PCDH15: variants seen among roughly 807,000 people sequenced by gnomAD.
The protein encoded by PCDH15 is protocadherin related 15.
PCDH15 carries 129 observed loss-of-function variants against 178.5 expected under a neutral mutation model. That is an observed-to-expected ratio of 0.72 (90% CI 0.63 to 0.84). The LOEUF is 0.84. Among genes scored for constraint, PCDH15 ranks in the 40% least tolerant of loss-of-function variants. PCDH15 has a pLI of 0.00. For synonymous variants in PCDH15, 800 were observed against 732.0 expected (o/e 1.09, Z -1.50); for missense variants, 2,230 against 2,099.9 (o/e 1.06, Z -1.21).
chr10:55,236,845 T>C (rs1032087770), intron 1 of PCDH15, among the ~76,000 whole-genome samples: 1 of 151,900 alleles, frequency 6.6e-6, no homozygotes, highest in Non-Finnish European at 1.5e-5. Flanking sequence ...CACATAATTC[T>C]GATAAATAAT....
intron 1 of PCDH15, among the ~76,000 whole-genome samples, chr10:55,309,972 C>T (rs987818269): frequency 1.3e-5 from 2 of 152,002 alleles, no homozygotes; most frequent in Non-Finnish European, 2.9e-5. Context: ...TTTCCCTTTC[C>T]TATCTCAAGT....
At chr10:54,650,112 A>G (rs945899731) in intron 2 of PCDH15, among the ~76,000 whole-genome samples, 1 of 152,168 alleles carries the variant, frequency 6.6e-6, no homozygotes, top group Non-Finnish European at 1.5e-5. Flanking sequence ...ATTAATTTTG[A>G]TTGGGTGTCA....
chr10:54,380,705 C>T (rs868197780), intron 3 of PCDH15, among the ~76,000 whole-genome samples: 5 of 49,014 alleles, frequency 1.0e-4, no homozygotes, highest in Non-Finnish European at 1.4e-4. Flanking sequence ...ATATATGCTC[C>T]ATATATATAT....
chr10:54,234,149 T>TGTGC (rs1330014845), intron 9 of PCDH15, among the ~76,000 whole-genome samples: 7 of 151,264 alleles, frequency 4.6e-5, no homozygotes, highest in African/African-American at 1.7e-4. Flanking sequence ...TGTGTGTGTG[T>TGTGC]GTGTGTGTGT....
chr10:54,298,399 G>A (rs1029409988), intron 8 of PCDH15, among the ~76,000 whole-genome samples: 1 of 152,210 alleles, frequency 6.6e-6, no homozygotes, highest in Non-Finnish European at 1.5e-5. Flanking sequence ...CGAGATCAGA[G>A]AAAGACTGCA....
At chr10:54,973,497 AGGGCTTT>A (rs1838988645) in intron 2 of PCDH15, among the ~76,000 whole-genome samples, 1 of 152,194 alleles carries the variant, frequency 6.6e-6, no homozygotes, top group African/African-American at 2.4e-5. Flanking sequence ...TTAGCTCTTA[AGGGCTTT>A]GGAATCTTTA....
chr10:54,784,530 G>C (rs1950662927), intron 1 of PCDH15, among the ~76,000 whole-genome samples: 1 of 151,894 alleles, frequency 6.6e-6, no homozygotes, highest in South Asian at 2.1e-4. Flanking sequence ...TGAAGAAGAA[G>C]TAAAGTCTTT....
At chr10:55,353,715 C>G (rs756830546) in intron 2 of PCDH15, among the ~76,000 whole-genome samples, 1 of 152,018 alleles carries the variant, frequency 6.6e-6, no homozygotes, top group Non-Finnish European at 1.5e-5. Context: ...CATCACACAT[C>G]ACATACCTTG....
rs747596359 is a variant in PCDH15, at chr10:53,822,122, C to T, written c.4368-1892G>A. On this transcript the variant is annotated intron_variant, in intron 32 of 37. Coordinates refer to ENST00000644397, the MANE Select transcript of PCDH15 (RefSeq NM_001384140.1). ...TCTGAGGGTCTGTTTTACACACTGT[C>T]GTTGTTGATAGCTGTGTCATAGAGG... is the stretch of plus-strand genomic sequence containing the variant. 1.2e-5 allele frequency: 19 copies of T among 1,613,796 alleles called. No homozygotes were observed. The Admixed American group carries it at 2.0e-4, about 17-fold the overall frequency.
intron 1 of PCDH15, among the ~76,000 whole-genome samples, chr10:54,666,276 A>T (rs2094570707): frequency 6.6e-6 from 1 of 152,090 alleles, no homozygotes; most frequent in Non-Finnish European, 1.5e-5. Context: ...AGATATTATT[A>T]TCCCCATTTT....
chr10:54,987,788 AT>A (rs945721543), intron 2 of PCDH15, among the ~76,000 whole-genome samples: 18 of 150,254 alleles, frequency 1.2e-4, no homozygotes, highest in African/African-American at 3.9e-4. Context: ...AGATTGCAAA[AT>A]TTTTTTTCCC....
At chr10:55,378,754 C>T (rs970691137) in intron 2 of PCDH15, among the ~76,000 whole-genome samples, 5 of 151,950 alleles carry the variant, frequency 3.3e-5, no homozygotes, top group Non-Finnish European at 7.4e-5. Flanking sequence ...AGGCATAACA[C>T]CTTACTAACT....
At chr10:55,470,361 A>G (rs1839930334) in intron 2 of PCDH15, among the ~76,000 whole-genome samples, 1 of 152,112 alleles carries the variant, frequency 6.6e-6, no homozygotes, top group Non-Finnish European at 1.5e-5. Flanking sequence ...AGAAAAAAAA[A>G]AAGGTCAAGT....
intron 3 of PCDH15, among the ~76,000 whole-genome samples, chr10:54,392,468 CA>C (rs71007849): frequency 0.02 from 1,336 of 65,914 alleles, 2 homozygotes; most frequent in African/African-American, 0.074. Flanking sequence ...GAGGCTGTCT[CA>C]AAAAAAAAAA....
chr10:54,183,354 G>A (rs573723134), intron 13 of PCDH15, 90 bp downstream of exon 13: 1 of 1,255,452 alleles, frequency 8.0e-7, no homozygotes, highest in African/African-American at 1.5e-5. Context: ...ATCAATTTCT[G>A]TTTCTTAAGT....
intron 1 of PCDH15, among the ~76,000 whole-genome samples, chr10:55,191,621 T>C (rs1183954913): frequency 6.6e-6 from 1 of 151,916 alleles, no homozygotes; most frequent in African/African-American, 2.4e-5. Context: ...TACAAGATGT[T>C]TGCAACAATA....
intron 2 of PCDH15, chr10:54,575,301 A>G (rs2090346269): frequency 6.6e-6 from 1 of 151,428 alleles, no homozygotes; most frequent in Non-Finnish European, 1.5e-5. Context: ...AAAGTATAAT[A>G]AAAAAAAAAA....
chr10:53,910,207 G>C (rs1367820503), intron 25 of PCDH15, among the ~76,000 whole-genome samples: 1 of 152,166 alleles, frequency 6.6e-6, no homozygotes, highest in African/African-American at 2.4e-5. Context: ...GCCTCCTCAA[G>C]TGGGTCCCTA....
chr10:55,257,279 A>G (rs1226263327), intron 1 of PCDH15, among the ~76,000 whole-genome samples: 1 of 152,128 alleles, frequency 6.6e-6, no homozygotes, highest in African/African-American at 2.4e-5. Context: ...TGGGGAAAAA[A>G]CAGCAGAAAA....
Sources: gnomAD v4.1 joint callset for allele counts (sites outside exome capture counted in the v4.1 genomes callset) on GRCh38, gnomAD v4.1.1 for gene constraint, MANE v1.5 for transcripts, NCBI Gene and HGNC (gene_info 2026-07-23, HGNC 2026-07-21) for gene names.